EZR: variants seen among roughly 807,000 people sequenced by gnomAD.
EZR encodes ezrin.
EZR carries 40 observed loss-of-function variants against 74.8 expected under a neutral mutation model. That is an observed-to-expected ratio of 0.53 (90% CI 0.42 to 0.70). EZR has a LOEUF of 0.70. Among genes scored for constraint, EZR ranks in the 30% least tolerant of loss-of-function variants. The pLI, the probability that EZR is intolerant of heterozygous loss-of-function variation, is 0.00. For synonymous variants in EZR, 341 were observed against 283.3 expected (o/e 1.20, Z -2.05); for missense variants, 678 against 755.8 (o/e 0.90, Z 1.21).
At chr6:158,768,539 C>T (rs765925525) in intron 12 of EZR, among the ~76,000 whole-genome samples, 6 of 151,372 alleles carry the variant, frequency 4.0e-5, no homozygotes, top group African/African-American at 9.8e-5. Flanking sequence ...GGGGGAAGGA[C>T]GGGCCAGCGG....
At chr6:158,805,337 GAAAAAAAAAAAAAA>G (rs56269785) in intron 2 of EZR, among the ~76,000 whole-genome samples, 7 of 116,884 alleles carry the variant, frequency 6.0e-5, no homozygotes, top group Non-Finnish European at 1.0e-4. Context: ...TCCATCTCAG[GAAAAAAAAAAAAAA>G]AAAAAAAAAA....
At chr6:158,783,913 A>G (rs533569739) in intron 6 of EZR, among the ~76,000 whole-genome samples, 1 of 152,314 alleles carries the variant, frequency 6.6e-6, no homozygotes, top group African/African-American at 2.4e-5. Flanking sequence ...CACTTTGAAG[A>G]AGAACTGATT....
chr6:158,777,300 C>T (rs1583561826), intron 7 of EZR, among the ~76,000 whole-genome samples: 1 of 152,254 alleles, frequency 6.6e-6, no homozygotes, highest in South Asian at 2.1e-4. Context: ...GCTGGACAGA[C>T]ATCTTCCCAT....
chr6:158,770,500 T>G (rs536426881), intron 10 of EZR, among the ~76,000 whole-genome samples: 1 of 152,280 alleles, frequency 6.6e-6, no homozygotes, highest in African/African-American at 2.4e-5. Context: ...ACTGTCCTCA[T>G]CGGGGAAACT....
Position 158,796,621 on chromosome 6 carries a change from G to C in EZR, c.13-7250C>G, listed in dbSNP as rs563589245. Among the ~76,000 whole-genome samples, 9 of 148,612 alleles carry C rather than the reference G, an allele frequency of 6.1e-5. No individual in the cohort carries two copies. In the South Asian group the frequency reaches 2.0e-3, roughly 33 times the overall value. On this transcript the variant is annotated intron_variant, in intron 2 of 13. Coordinates refer to ENST00000367075, the MANE Select transcript of EZR (RefSeq NM_001111077.2). ...TCTTTGAAATTATTTGGCTTTGAAA[G>C]GGAAAGGGACAAAAATGGGGATATG... is the stretch of plus-strand genomic sequence containing the variant.
chr6:158,816,842 T>C (rs1378604172), intron 2 of EZR, among the ~76,000 whole-genome samples: 3 of 152,046 alleles, frequency 2.0e-5, no homozygotes, highest in Admixed American at 1.3e-4. Context: ...TCCTAGCATT[T>C]TGGGAGGTCG....
intron 8 of EZR, among the ~76,000 whole-genome samples, chr6:158,773,822 C>T (rs566213488): frequency 6.6e-6 from 1 of 152,368 alleles, no homozygotes; most frequent in East Asian, 1.9e-4. Flanking sequence ...AGCCTTCTGC[C>T]TTTTCCACAA....
At position 158,767,513 on chromosome 6, in the gene EZR, C is replaced by A; in HGVS notation, c.1345-1G>T. ...CCAGGTCATCCTGGGCTTCTTTGGCCTTTGGAAAGCAAATTAATAAGAGGA... is the reference window on the plus strand; with the variant it reads ...CCAGGTCATCCTGGGCTTCTTTGGCATTTGGAAAGCAAATTAATAAGAGGA... On this transcript the variant is annotated splice_acceptor_variant, in intron 12 of 13. Coordinates refer to ENST00000367075, the MANE Select transcript of EZR (RefSeq NM_001111077.2). LOFTEE classifies it high-confidence loss of function. The A allele has an allele frequency of 6.4e-7, 1 of 1,570,780 alleles. No homozygotes were observed. The highest frequency in any genetic ancestry group is 1.2e-5 in the South Asian group (1 of 85,548).
chr6:158,812,344 A>T (rs1777466947), intron 2 of EZR, among the ~76,000 whole-genome samples: 1 of 152,130 alleles, frequency 6.6e-6, no homozygotes, highest in African/African-American at 2.4e-5. Context: ...AATATATAAT[A>T]ACTGCCCTTT....
chr6:158,794,605 G>A (rs1583576283), intron 2 of EZR, among the ~76,000 whole-genome samples: 1 of 152,108 alleles, frequency 6.6e-6, no homozygotes, highest in Non-Finnish European at 1.5e-5. Context: ...TGGAGAAAAA[G>A]AGCGCGTGGT....
intron 8 of EZR, 92 bp from the exon 9 acceptor site, chr6:158,771,499 A>T: frequency 7.3e-7 from 1 of 1,368,102 alleles, no homozygotes; most frequent in East Asian, 2.4e-5. Flanking sequence ...AACTTTTCTA[A>T]AAGAACAAAT....
chr6:158,799,322 T>C (rs1056533178), intron 2 of EZR, among the ~76,000 whole-genome samples: 12 of 152,196 alleles, frequency 7.9e-5, no homozygotes, highest in African/African-American at 2.9e-4. Flanking sequence ...GGCTCACAGC[T>C]GATGCCAAGG....
At chr6:158,784,868 A>C in intron 5 of EZR, 141 bp from the exon 6 acceptor site, 1 of 675,234 alleles carries the variant, frequency 1.5e-6, no homozygotes, top group South Asian at 1.8e-5. Context: ...CTATTTCCTG[A>C]TGTGCAGCAT....
intron 12 of EZR, 134 bp from the exon 13 acceptor site, chr6:158,767,646 G>T: frequency 1.1e-6 from 1 of 902,688 alleles, no homozygotes; most frequent in Non-Finnish European, 1.6e-6. Flanking sequence ...TGGCTTCGAA[G>T]AGGAGCACCC....
intron 2 of EZR, among the ~76,000 whole-genome samples, chr6:158,806,129 T>C (rs911169824): frequency 1.3e-5 from 2 of 152,214 alleles, no homozygotes; most frequent in Non-Finnish European, 2.9e-5. Context: ...TTTTGAGTAG[T>C]GACCTCCTTT....
intron 2 of EZR, among the ~76,000 whole-genome samples, chr6:158,810,101 A>AG (rs1251242649): frequency 5.9e-5 from 9 of 152,236 alleles, no homozygotes; most frequent in African/African-American, 2.2e-4. Flanking sequence ...ACTGACTACT[A>AG]GAGTTTGATC....
At chr6:158,777,624 G>T (rs1263510713) in intron 7 of EZR, among the ~76,000 whole-genome samples, 1 of 152,186 alleles carries the variant, frequency 6.6e-6, no homozygotes, top group Non-Finnish European at 1.5e-5. Flanking sequence ...CATTTTAGAA[G>T]TAGCAGGAAG....
chr6:158,783,785 G>T, intron 6 of EZR, 119 bp from the exon 7 acceptor site: 2 of 1,117,206 alleles, frequency 1.8e-6, no homozygotes, highest in South Asian at 1.5e-5. Context: ...AATGCTGTGT[G>T]CTGCGTGCAG....
At chr6:158,779,199 TA>T (rs1240309863) in intron 7 of EZR, among the ~76,000 whole-genome samples, 2 of 152,144 alleles carry the variant, frequency 1.3e-5, no homozygotes, top group Admixed American at 6.5e-5. Flanking sequence ...ACCAAAAATG[TA>T]AAACTCCAAA....
Sources: allele counts gnomAD v4.1 joint callset (sites outside exome capture counted in the v4.1 genomes callset), GRCh38; gene constraint gnomAD v4.1.1; transcripts MANE v1.5; gene names NCBI Gene and HGNC (gene_info 2026-07-23, HGNC 2026-07-21).